UBA3: variants seen among roughly 807,000 people sequenced by gnomAD.
UBA3 encodes the protein ubiquitin like modifier activating enzyme 3.
Under a neutral mutation model 73.5 loss-of-function variants are expected in UBA3, and 26 were observed. That is an observed-to-expected ratio of 0.35 (90% CI 0.26 to 0.49). The LOEUF (loss-of-function observed/expected upper bound fraction) is 0.49, where lower values mean the gene tolerates loss of function less well. Among genes scored for constraint, UBA3 ranks in the 20% least tolerant of loss-of-function variants. The pLI is 0.98. For missense variants in UBA3, 495 were observed against 555.6 expected, an observed-to-expected ratio of 0.89 and a Z score of 1.10; for synonymous variants, 217 against 191.2, an observed-to-expected ratio of 1.13 and a Z score of -1.11.
In UBA3 at chr3:69,071,439, CTCAAG is replaced by C. The variant is rs1375324940; in HGVS notation, c.347+91_347+95del. On this transcript the variant is annotated intron_variant, in intron 5 of 17. Coordinates refer to ENST00000361055, the MANE Select transcript of UBA3 (RefSeq NM_003968.4). ...TTTAAAATAAAATTAGTATTATCCT[CTCAAG>C]TCATTTTTAAAAATTATTAAACTGC... 1.5e-5 allele frequency: 10 copies of C among 675,766 alleles called. No individual in the cohort carries two copies. In the Admixed American group the frequency reaches 1.5e-4, roughly 10 times the overall value. The allele number at this position is 675,766 out of a possible 1,614,324, so 41.9% of individuals were successfully genotyped here. A position where few individuals can be genotyped will look rare whatever the true frequency, so the allele number is the denominator to read the frequency against.
chr3:69,063,068 T>C lies in UBA3; in HGVS notation c.607A>G (p.Thr203Ala), dbSNP rs768776474. 1 of 1,613,668 alleles carries C rather than the reference T, an allele frequency of 6.2e-7. No individual in the cohort carries two copies. Among genetic ancestry groups the C allele is most frequent in the African/African-American group, 1.3e-5 (1 of 74,786 alleles). ...SSIVPLIDGG[T>A]EGFKGNARVI... Reference sequence around the variant, plus strand: ...CGGGCATTTCCTTTAAAACCTTCTGTCCCCCCATCTATCAAAGGGACAATG... The same window carrying C: ...CGGGCATTTCCTTTAAAACCTTCTGCCCCCCCATCTATCAAAGGGACAATG... The change falls in exon 9 of 18, where the codon ACA (threonine) becomes GCA (alanine). Residue 203 changes from threonine (T) to alanine (A), a missense_variant. By Grantham distance (58) the Thr-to-Ala change is moderately conservative. Coordinates refer to ENST00000361055, the MANE Select transcript of UBA3 (RefSeq NM_003968.4).
intron 6 of UBA3, among the ~76,000 whole-genome samples, chr3:69,064,827 ATTGT>A (rs2092054869): frequency 1.3e-5 from 2 of 152,152 alleles, no homozygotes; most frequent in Admixed American, 1.3e-4. Context: ...GAATGGAGCA[ATTGT>A]TTAATAATTT....
chr3:69,073,010 T>C (rs914486983), intron 4 of UBA3, among the ~76,000 whole-genome samples: 1 of 151,886 alleles, frequency 6.6e-6, no homozygotes, highest in Non-Finnish European at 1.5e-5. Context: ...TCAAGTCACG[T>C]TGTCTCTTGT....
chr3:69,074,807 T>C (rs1313191340), intron 4 of UBA3, among the ~76,000 whole-genome samples: 1 of 152,188 alleles, frequency 6.6e-6, no homozygotes, highest in African/African-American at 2.4e-5. Flanking sequence ...TCTAAATATA[T>C]GCAAATAAGT....
At chr3:69,073,016 CTT>C (rs1218893738) in intron 4 of UBA3, among the ~76,000 whole-genome samples, 2 of 151,864 alleles carry the variant, frequency 1.3e-5, no homozygotes, top group Non-Finnish European at 2.9e-5. Flanking sequence ...CACGTTGTCT[CTT>C]GTCTAGAGGA....
chr3:69,069,176 G>C (rs1385020627), intron 5 of UBA3, among the ~76,000 whole-genome samples: 2 of 152,072 alleles, frequency 1.3e-5, no homozygotes, highest in Non-Finnish European at 2.9e-5. Context: ...TTATTTGGAT[G>C]AAAGTGACCA....
At chr3:69,072,580 T>C (rs1488683870) in intron 4 of UBA3, among the ~76,000 whole-genome samples, 1 of 152,254 alleles carries the variant, frequency 6.6e-6, no homozygotes, top group African/African-American at 2.4e-5. Context: ...ACCACACTCA[T>C]GAGAATTTAA....
chr3:69,060,246 T>C (rs1280774769), intron 11 of UBA3, among the ~76,000 whole-genome samples: 1 of 151,742 alleles, frequency 6.6e-6, no homozygotes, highest in Non-Finnish European at 1.5e-5. Flanking sequence ...GGTTGAATTT[T>C]AAGAATACAT....
intron 4 of UBA3, among the ~76,000 whole-genome samples, chr3:69,072,682 T>C (rs999423768): frequency 6.6e-5 from 10 of 152,218 alleles, no homozygotes; most frequent in African/African-American, 1.9e-4. Flanking sequence ...GTTCTGGTGA[T>C]CTCAGACCAT....
At chr3:69,056,350 T>C in intron 14 of UBA3, 67 bp from the exon 15 acceptor site, 2 of 1,278,872 alleles carry the variant, frequency 1.6e-6, no homozygotes, top group Non-Finnish European at 2.1e-6. Flanking sequence ...TTATGAACAA[T>C]AAAATAAAAA....
At chr3:69,056,449 T>C (rs893532456) in intron 14 of UBA3, 163 bp downstream of exon 14, 23 of 852,846 alleles carry the variant, frequency 2.7e-5, no homozygotes, top group African/African-American at 5.2e-5. Context: ...TTCTTGTAAA[T>C]TACTTCGCTA....
In UBA3 at chr3:69,063,233, T is replaced by C. The variant is rs114505833; in HGVS notation, c.538-96A>G. On this transcript the variant is annotated intron_variant, in intron 8 of 17. Transcript: ENST00000361055. ...GTAATCCTATGAGTCGGTTGTGCTATTGAATACCAATGTATCAAATCAAGG... is the reference window on the plus strand; with the variant it reads ...GTAATCCTATGAGTCGGTTGTGCTACTGAATACCAATGTATCAAATCAAGG... 2,880 of 1,475,788 alleles carry C rather than the reference T, an allele frequency of 2.0e-3. 31 individuals are homozygous for C. In the African/African-American group the frequency reaches 0.036, roughly 19 times the overall value. 91.4% of individuals were successfully genotyped at this position (1,475,788 alleles called of 1,614,324 possible).
chr3:69,075,631 G>C (rs1430234798), intron 3 of UBA3, 121 bp from the exon 4 acceptor site: 1 of 391,864 alleles, frequency 2.6e-6, no homozygotes, highest in Admixed American at 4.4e-5. Flanking sequence ...GGATAAAGAG[G>C]AGACTTTGTA....
chr3:69,061,057 A>G (rs1318297401), intron 11 of UBA3, among the ~76,000 whole-genome samples: 1 of 152,244 alleles, frequency 6.6e-6, no homozygotes, highest in Non-Finnish European at 1.5e-5. Context: ...TACAGGGTTA[A>G]AGGAACTAAC....
In UBA3 at chr3:69,055,919, T is replaced by C. The variant is rs957781210; in HGVS notation, c.1249-14A>G. ...AGAGGTTACCGACTAGAAAACAAAA[T>C]TACTTTAATGTAAGACACATTAAAG... On this transcript the variant is annotated splice_polypyrimidine_tract_variant and intron_variant, in intron 16 of 17. Transcript: ENST00000361055. 1.2e-6 allele frequency: 2 copies of C among 1,610,220 alleles called. No homozygotes were observed. Among genetic ancestry groups the C allele is most frequent in the Non-Finnish European group, 1.7e-6 (2 of 1,178,412 alleles).
intron 11 of UBA3, among the ~76,000 whole-genome samples, chr3:69,058,794 G>A (rs566427583): frequency 2.0e-5 from 3 of 152,310 alleles, no homozygotes; most frequent in African/African-American, 7.2e-5. Flanking sequence ...GTTATACTGA[G>A]AACAAGGGGA....
intron 6 of UBA3, among the ~76,000 whole-genome samples, chr3:69,065,745 T>A (rs915316413): frequency 3.9e-5 from 6 of 152,164 alleles, no homozygotes; most frequent in Non-Finnish European, 8.8e-5. Context: ...CCCAGCCATC[T>A]CTATAATTCT....
intron 11 of UBA3, among the ~76,000 whole-genome samples, chr3:69,060,986 T>C (rs1468910763): frequency 6.6e-6 from 1 of 152,182 alleles, no homozygotes; most frequent in African/African-American, 2.4e-5. Context: ...CAAATAAACC[T>C]CTTTCCTGAA....
rs1437763213 is a variant in UBA3, at chr3:69,080,122, G to A, written c.52C>T (p.Leu18=). The stretch of plus-strand genomic sequence containing the variant: ...CCCGGCAGCACTAACTTCTCAGCCA[G>A]CAGCTCCTCTATTCTCCTTCTTTTC... The part of the protein sequence containing the change: ...EKKRRRIEEL[L]AEKMAVDGGC... The change falls in exon 2 of 18, where the codon CTG becomes TTG. Residue 18 remains leucine (L), a synonymous_variant. Coordinates refer to ENST00000361055, the MANE Select transcript of UBA3 (RefSeq NM_003968.4). 8.7e-6 allele frequency: 14 copies of A among 1,609,200 alleles called. No individual in the cohort carries two copies. The highest frequency in any genetic ancestry group is 9.3e-6 in the Non-Finnish European group (11 of 1,178,752).
Sources: allele counts gnomAD v4.1 joint callset (sites outside exome capture counted in the v4.1 genomes callset), GRCh38; gene constraint gnomAD v4.1.1; transcripts MANE v1.5; gene names NCBI Gene and HGNC (gene_info 2026-07-23, HGNC 2026-07-21).